The following RAB4A variants were observed in gnomAD, a reference collection of about 807,000 sequenced individuals.
RAB4A encodes the protein RAB4A, member RAS oncogene family, also known as ras-related protein Rab-4A.
A neutral mutation model predicts 34.5 loss-of-function variants in RAB4A; 20 were observed. The ratio of observed to expected loss-of-function variants is 0.58; its 90% CI spans 0.41 to 0.84. The LOEUF (loss-of-function observed/expected upper bound fraction) is 0.84. Among genes scored for constraint, RAB4A ranks in the 40% least tolerant of loss-of-function variants. The probability of loss-of-function intolerance (pLI) is 0.00; values close to 1 mark genes in which losing one functional copy is unlikely to be tolerated. For synonymous variants in RAB4A, 102 were observed against 100.0 expected (o/e 1.02, Z -0.12); for missense variants, 228 against 274.5 (o/e 0.83, Z 1.20).
At position 229,271,286 on chromosome 1, in the gene RAB4A, G is replaced by T. The variant is rs1656461260; in HGVS notation, c.-54G>T. The T allele has an allele frequency of 7.5e-6, 10 of 1,325,690 alleles. No homozygotes were observed. Among genetic ancestry groups the T allele is most frequent in the African/African-American group, 1.5e-5 (1 of 64,976 alleles). The allele number at this position is 1,325,690 out of a possible 1,614,324, so 82.1% of individuals were successfully genotyped here. A position where few individuals can be genotyped will look rare whatever the true frequency, so the allele number is the denominator to read the frequency against. ...TCCTTCCCCACCGAGACGCGCCGGC[G>T]GACCGCGGGCGAGTGCAGCCGGTGA... On this transcript the variant is annotated 5_prime_UTR_variant, in exon 1 of 8. Coordinates refer to ENST00000366690, the MANE Select transcript of RAB4A (RefSeq NM_004578.4).
chr1:229,277,489 G>A (rs1412935190), intron 1 of RAB4A, among the ~76,000 whole-genome samples: 2 of 151,112 alleles, frequency 1.3e-5, no homozygotes, highest in Non-Finnish European at 2.9e-5. Context: ...ATTCCTCCCT[G>A]ACCATTGTAC....
chr1:229,300,015 G>A (rs1657339985), intron 6 of RAB4A, among the ~76,000 whole-genome samples: 1 of 152,150 alleles, frequency 6.6e-6, no homozygotes, highest in East Asian at 1.9e-4. Context: ...TTGAAGAAAG[G>A]CAGGAGCCAG....
chr1:229,298,138 T>A (rs1435272905), intron 5 of RAB4A, among the ~76,000 whole-genome samples: 3 of 152,224 alleles, frequency 2.0e-5, no homozygotes, highest in Non-Finnish European at 4.4e-5. Context: ...AATTAATGGT[T>A]GCTTAATTAA....
chr1:229,302,958 C>T lies in RAB4A; in HGVS notation c.638C>T (p.Ala213Val), dbSNP rs1421264360. 6.2e-7 allele frequency: 1 copy of T among 1,613,876 alleles called. No individual in the cohort carries two copies. Residue 213 changes from alanine to valine, a missense_variant, in exon 7 of 8, where the codon GCT becomes GTT. By Grantham distance (64) the Ala-to-Val change is moderately conservative. Coordinates refer to ENST00000366690, the MANE Select transcript of RAB4A (RefSeq NM_004578.4). ...CCGCGGCGCGCACAGGCCCCGAACGCTCAGGAGTGTGGTTGTTAGGAGAGC... is the reference window on the plus strand; with the variant it reads ...CCGCGGCGCGCACAGGCCCCGAACGTTCAGGAGTGTGGTTGTTAGGAGAGC... ...RSPRRAQAPN[A>V]QECGC
chr1:229,284,077 G>T (rs1252922756), intron 1 of RAB4A, among the ~76,000 whole-genome samples: 18 of 103,600 alleles, frequency 1.7e-4, no homozygotes, highest in South Asian at 3.5e-4. Context: ...GGTTTTTTTT[G>T]TTGTTGGTGT....
At chr1:229,279,765 T>A (rs982801099) in intron 1 of RAB4A, among the ~76,000 whole-genome samples, 8 of 152,200 alleles carry the variant, frequency 5.3e-5, no homozygotes, top group African/African-American at 1.9e-4. Flanking sequence ...TGTTTTAGAT[T>A]TTCTGTTTTG....
chr1:229,279,797 T>C (rs538925140), intron 1 of RAB4A, among the ~76,000 whole-genome samples: 6 of 152,204 alleles, frequency 3.9e-5, no homozygotes, highest in Non-Finnish European at 8.8e-5. Flanking sequence ...TTCCCTTCAA[T>C]CTTAATTCAT....
At chr1:229,282,061 C>T (rs967355940) in intron 1 of RAB4A, among the ~76,000 whole-genome samples, 3 of 151,942 alleles carry the variant, frequency 2.0e-5, no homozygotes, top group Non-Finnish European at 4.4e-5. Flanking sequence ...AGATTCCTTC[C>T]TTTATCATTT....
At chr1:229,275,668 TG>T (rs1240520843) in intron 1 of RAB4A, among the ~76,000 whole-genome samples, 1 of 150,174 alleles carries the variant, frequency 6.7e-6, no homozygotes, top group Non-Finnish European at 1.5e-5. Context: ...TTGCCCAGGC[TG>T]GAGTGCAGTG....
chr1:229,275,245 A>C (rs752184139), intron 1 of RAB4A, among the ~76,000 whole-genome samples: 4 of 152,200 alleles, frequency 2.6e-5, no homozygotes, highest in Non-Finnish European at 4.4e-5. Flanking sequence ...ACACAAATGC[A>C]TTCAGAGAGA....
intron 1 of RAB4A, among the ~76,000 whole-genome samples, chr1:229,281,515 T>C (rs1656776885): frequency 6.6e-6 from 1 of 152,114 alleles, no homozygotes; most frequent in African/African-American, 2.4e-5. Context: ...GCAGTCCATA[T>C]CATTATAACT....
intron 1 of RAB4A, 125 bp from the exon 2 acceptor site, chr1:229,286,361 A>T (rs527769389): frequency 1.6e-6 from 1 of 616,096 alleles, no homozygotes; most frequent in Admixed American, 3.6e-5. Flanking sequence ...ATTTCACAAG[A>T]TACTCAGTTA....
Position 229,289,292 on chromosome 1 carries a change from C to T in RAB4A, c.227+449C>T, listed in dbSNP as rs138127915. The T allele has an allele frequency of 4.1e-3, 643 of 157,910 alleles. 4 individuals are homozygous for T. The highest frequency in any genetic ancestry group is 6.2e-3 in the Non-Finnish European group (451 of 72,402). 9.8% of individuals were successfully genotyped at this position (157,910 alleles called of 1,614,324 possible). A position where few individuals can be genotyped will look rare whatever the true frequency, so the allele number is the denominator to read the frequency against. On this transcript the variant is annotated intron_variant, in intron 3 of 7. Transcript: ENST00000366690. The stretch of plus-strand genomic sequence containing the variant: ...AAATATTCTCTCCACACTTTAATTA[C>T]AATAGGGTCATAACTGAGGCTCAGA...
chr1:229,287,214 T>C (rs1439823353), intron 2 of RAB4A, among the ~76,000 whole-genome samples: 1 of 152,224 alleles, frequency 6.6e-6, no homozygotes, highest in Non-Finnish European at 1.5e-5. Context: ...GTGTCTTATT[T>C]AATTAAGTTT....
At chr1:229,289,942 C>A (rs1657024968) in intron 3 of RAB4A, among the ~76,000 whole-genome samples, 1 of 152,052 alleles carries the variant, frequency 6.6e-6, no homozygotes, top group African/African-American at 2.4e-5. Context: ...TTATGTCTTC[C>A]CTCTCAGAAC....
At chr1:229,278,649 A>G (rs1656708080) in intron 1 of RAB4A, among the ~76,000 whole-genome samples, 1 of 152,146 alleles carries the variant, frequency 6.6e-6, no homozygotes, top group Non-Finnish European at 1.5e-5. Flanking sequence ...TTCACCCATC[A>G]TGTCTGTTCC....
intron 1 of RAB4A, among the ~76,000 whole-genome samples, chr1:229,278,617 C>A (rs958023227): frequency 6.6e-6 from 1 of 152,230 alleles, no homozygotes; most frequent in Non-Finnish European, 1.5e-5. Context: ...TGGACCCCAT[C>A]TCTAAAGCTT....
In RAB4A at chr1:229,286,547, T is replaced by A; in HGVS notation, c.93T>A (p.His31Gln). 1 of 1,576,638 alleles carries A rather than the reference T, an allele frequency of 6.3e-7. No individual in the cohort carries two copies. Among genetic ancestry groups the A allele is most frequent in the Non-Finnish European group, 8.6e-7 (1 of 1,161,372 alleles). ...GAACTGGCAAATCTTGCTTACTTCA[T>A]CAGTTTATTGAAAAAAAATGTAAGT... ...NAGTGKSCLL[H>Q]QFIEKKFKDD... Residue 31 changes from histidine to glutamine, a missense_variant, in exon 2 of 8, where the codon CAT becomes CAA. Transcript: ENST00000366690.
chr1:229,301,533 G>A (rs1251115034), intron 6 of RAB4A, among the ~76,000 whole-genome samples: 2 of 152,074 alleles, frequency 1.3e-5, no homozygotes, highest in East Asian at 3.9e-4. Flanking sequence ...TCAGCATGAG[G>A]TTGTATTTAC....
Sources: gnomAD v4.1 joint callset for allele counts (sites outside exome capture counted in the v4.1 genomes callset) on GRCh38, gnomAD v4.1.1 for gene constraint, MANE v1.5 for transcripts, NCBI Gene and HGNC (gene_info 2026-07-23, HGNC 2026-07-21) for gene names.